PLCG2: variants seen among roughly 807,000 people sequenced by gnomAD.
PLCG2 encodes the protein 1-phosphatidylinositol 4,5-bisphosphate phosphodiesterase gamma-2.
PLCG2 carries 69 observed loss-of-function variants against 175.6 expected under a neutral mutation model. The ratio of observed to expected loss-of-function variants is 0.39; its 90% CI spans 0.32 to 0.48. The LOEUF is 0.48. Among genes scored for constraint, PLCG2 ranks in the 20% least tolerant of loss-of-function variants. PLCG2 has a pLI of 0.91. For synonymous variants in PLCG2, 827 were observed against 624.0 expected (o/e 1.33, Z -4.85); for missense variants, 1,798 against 1,650.9 (o/e 1.09, Z -1.54).
chr16:81,875,996 G>C (rs1170091469), intron 7 of PLCG2, among the ~76,000 whole-genome samples: 1 of 147,578 alleles, frequency 6.8e-6, no homozygotes. Context: ...AGAATCTCTG[G>C]TTAGCTTTTC....
At chr16:81,821,925 C>T (rs1904818468) in intron 2 of PLCG2, among the ~76,000 whole-genome samples, 1 of 151,456 alleles carries the variant, frequency 6.6e-6, no homozygotes, top group South Asian at 2.1e-4. Context: ...GCCTGGGGTT[C>T]CATCCCAGAT....
intron 5 of PLCG2, among the ~76,000 whole-genome samples, chr16:81,859,602 T>G (rs1037107825): frequency 2.6e-5 from 4 of 151,902 alleles, no homozygotes; most frequent in African/African-American, 9.7e-5. Context: ...TGGCATGATC[T>G]CAGCTCACTG....
intron 2 of PLCG2, among the ~76,000 whole-genome samples, chr16:81,808,907 G>T (rs1373080071): frequency 1.3e-5 from 2 of 152,210 alleles, no homozygotes; most frequent in African/African-American, 4.8e-5. Context: ...GAGATCAGGG[G>T]AGACATGAGC....
intron 9 of PLCG2, among the ~76,000 whole-genome samples, chr16:81,888,380 T>TA (rs950877812): frequency 4.8e-5 from 6 of 124,504 alleles, no homozygotes; most frequent in African/African-American, 1.5e-4. Context: ...CAAGCTGATT[T>TA]AAAGAAAAAA....
At chr16:81,923,695 T>G in intron 22 of PLCG2, 101 bp downstream of exon 22, 1 of 696,442 alleles carries the variant, frequency 1.4e-6, no homozygotes, top group South Asian at 1.7e-5. Flanking sequence ...CCCTTTGTCA[T>G]CCTGGGCTGG....
At chr16:81,808,998 C>T (rs990492008) in intron 2 of PLCG2, among the ~76,000 whole-genome samples, 2 of 152,168 alleles carry the variant, frequency 1.3e-5, no homozygotes, top group African/African-American at 2.4e-5. Flanking sequence ...AGGCATTGTC[C>T]TCTAAAATAT....
chr16:81,856,670 A>T (rs1906701838), intron 3 of PLCG2, among the ~76,000 whole-genome samples: 1 of 152,214 alleles, frequency 6.6e-6, no homozygotes, highest in Non-Finnish European at 1.5e-5. Context: ...TAAATCCCTA[A>T]GCCAGTGGTA....
At chr16:81,952,499 C>T (rs1197214534) in intron 31 of PLCG2, among the ~76,000 whole-genome samples, 1 of 152,066 alleles carries the variant, frequency 6.6e-6, no homozygotes, top group African/African-American at 2.4e-5. Flanking sequence ...GGACCTGGAG[C>T]ATCTTAACAT....
At chr16:81,887,278 C>A (rs1389594444) in intron 9 of PLCG2, among the ~76,000 whole-genome samples, 1 of 152,098 alleles carries the variant, frequency 6.6e-6, no homozygotes, top group African/African-American at 2.4e-5. Context: ...CGCCACCACG[C>A]CCAGCTAATT....
At chr16:81,774,867 C>G (rs912984400), upstream of PLCG2, among the ~76,000 whole-genome samples, 2 of 151,876 alleles carry the variant, frequency 1.3e-5, no homozygotes, top group African/African-American at 4.8e-5. Flanking sequence ...GCCTCAGCTT[C>G]CCGAGTAGCT....
At chr16:81,775,171 A>G (rs901052009), upstream of PLCG2, among the ~76,000 whole-genome samples, 22 of 152,118 alleles carry the variant, frequency 1.4e-4, no homozygotes, top group Admixed American at 1.4e-3. Context: ...GTCACAATCC[A>G]TTTTAGAACA....
At chr16:81,850,991 G>T (rs1252244882) in intron 2 of PLCG2, among the ~76,000 whole-genome samples, 4 of 152,130 alleles carry the variant, frequency 2.6e-5, no homozygotes, top group Admixed American at 6.5e-5. Flanking sequence ...TCTGGATGGG[G>T]TCCCCACTTG....
intron 7 of PLCG2, among the ~76,000 whole-genome samples, chr16:81,878,266 G>A (rs1261597290): frequency 6.6e-6 from 1 of 151,840 alleles, no homozygotes; most frequent in African/African-American, 2.4e-5. Flanking sequence ...TTACAGGTGT[G>A]AGCCACCGTG....
At chr16:81,843,817 A>C (rs140181910) in intron 2 of PLCG2, among the ~76,000 whole-genome samples, 1 of 152,236 alleles carries the variant, frequency 6.6e-6, no homozygotes, top group Non-Finnish European at 1.5e-5. Flanking sequence ...GGGATGAAAG[A>C]AGAACTCAAT....
intron 2 of PLCG2, among the ~76,000 whole-genome samples, chr16:81,794,920 A>T (rs2143215614): frequency 6.6e-6 from 1 of 152,320 alleles, no homozygotes; most frequent in Admixed American, 6.5e-5. Flanking sequence ...TGAAAAGTAG[A>T]GTTGACATTT....
At chr16:81,765,407 G>C (rs1490895415) in intron 2 of PLCG2, among the ~76,000 whole-genome samples, 2 of 152,268 alleles carry the variant, frequency 1.3e-5, no homozygotes, top group Admixed American at 1.3e-4. Flanking sequence ...CAGGAGGGCA[G>C]ATCACTTGAG....
At chr16:81,850,107 T>A (rs923106013) in intron 2 of PLCG2, among the ~76,000 whole-genome samples, 9 of 152,174 alleles carry the variant, frequency 5.9e-5, no homozygotes, top group African/African-American at 2.2e-4. Flanking sequence ...TGTAATGACA[T>A]AATGAGATAA....
upstream of PLCG2, among the ~76,000 whole-genome samples, chr16:81,776,237 T>G (rs1910403425): frequency 1.3e-5 from 2 of 150,066 alleles, no homozygotes; most frequent in African/African-American, 2.5e-5. Context: ...GCCTCCTGAG[T>G]AGGTGGGATT....
At chr16:81,882,661 C>T (rs1444276391) in intron 8 of PLCG2, among the ~76,000 whole-genome samples, 2 of 152,126 alleles carry the variant, frequency 1.3e-5, no homozygotes, top group Non-Finnish European at 2.9e-5. Context: ...CCTCCCCTCC[C>T]TTCTCTTTTT....
Sources: allele counts gnomAD v4.1 joint callset (sites outside exome capture counted in the v4.1 genomes callset), GRCh38; gene constraint gnomAD v4.1.1; transcripts MANE v1.5; gene names NCBI Gene and HGNC (gene_info 2026-07-23, HGNC 2026-07-21).